Variants in MFSD11 observed in about 807,000 individuals in gnomAD.
MFSD11 encodes the protein UNC93-like protein MFSD11.
A neutral mutation model predicts 53.5 loss-of-function variants in MFSD11; 36 were observed. The observed-to-expected ratio is 0.67, with a 90% CI of 0.52 to 0.89. The LOEUF is 0.89. MFSD11 is among the 40% of genes least tolerant of loss of function. The pLI is 0.00. For missense variants in MFSD11, 530 were observed against 543.9 expected (o/e 0.97, Z 0.25); for synonymous variants, 186 against 184.9 (o/e 1.01, Z -0.05).
chr17:76,776,574 T>C lies in MFSD11; in HGVS notation c.1185+33T>C, dbSNP rs376858266. ...CTTCAGATTGTGATTGTGTTTGACA[T>C]AGGGCTCTTCCCTTTGTGTATTGCC... On this transcript the variant is annotated intron_variant, in intron 12 of 12. Coordinates refer to ENST00000685175, the MANE Select transcript of MFSD11 (RefSeq NM_001242532.5). This position sits in a 1 kb window ranked among gnomAD's most constrained non-coding sequence, Gnocchi z 4.2. The C allele has an allele frequency of 9.8e-5, 157 of 1,605,412 alleles. 1 individual carries two copies. The highest frequency in any genetic ancestry group is 1.2e-4 in the Non-Finnish European group (143 of 1,176,018).
At chr17:76,764,968 G>A (rs774823945) in intron 8 of MFSD11, among the ~76,000 whole-genome samples, 5 of 152,146 alleles carry the variant, frequency 3.3e-5, no homozygotes, top group Non-Finnish European at 5.9e-5. Flanking sequence ...ATCCCAACAG[G>A]TGTGAGGGGA....
intron 8 of MFSD11, among the ~76,000 whole-genome samples, chr17:76,759,532 G>T (rs2079986611): frequency 6.6e-6 from 1 of 151,932 alleles, no homozygotes; most frequent in Admixed American, 6.6e-5. Context: ...TCAGCTCACT[G>T]CAACCTCCGC....
In MFSD11 at chr17:76,738,752, C is replaced by A. The variant is rs533992794; in HGVS notation, c.97-186C>A. On this transcript the variant is annotated intron_variant, in intron 1 of 12. Transcript: ENST00000685175. ...ATGGTTACAGCTGCTTTTCCTCCCCCCTCCCTGTCATTGGTTTGCCTTCTG... is the reference window on the plus strand; with the variant it reads ...ATGGTTACAGCTGCTTTTCCTCCCCACTCCCTGTCATTGGTTTGCCTTCTG... Among the ~76,000 whole-genome samples the A allele has an allele frequency of 3.3e-5, 5 of 152,182 alleles. No homozygotes were observed. In the South Asian group the frequency reaches 6.2e-4, roughly 19 times the overall value.
At chr17:76,774,357 G>A (rs567574071) in intron 10 of MFSD11, among the ~76,000 whole-genome samples, 1 of 152,248 alleles carries the variant, frequency 6.6e-6, no homozygotes, top group South Asian at 2.1e-4. Context: ...CCAAAGTGCT[G>A]GGATTACAGG....
At chr17:76,756,508 C>T (rs1178891530) in intron 8 of MFSD11, among the ~76,000 whole-genome samples, 1 of 152,188 alleles carries the variant, frequency 6.6e-6, no homozygotes, top group African/African-American at 2.4e-5. Flanking sequence ...GGTAGGAGGT[C>T]AATCACTGTC....
At chr17:76,778,149 C>G (rs1235152640) in intron 12 of MFSD11, 39 bp from the exon 13 acceptor site, 1 of 1,611,750 alleles carries the variant, frequency 6.2e-7, no homozygotes, top group Non-Finnish European at 8.5e-7. Context: ...CAGTGTGGCC[C>G]CCGGTGCGCC....
chr17:76,766,890 T>C (rs1404832086), intron 8 of MFSD11: 1 of 153,268 alleles, frequency 6.5e-6, no homozygotes, highest in Non-Finnish European at 1.5e-5. Flanking sequence ...ATATGCACAA[T>C]GCAAGTTTCA....
Position 76,738,266 on chromosome 17 carries a change from T to C in MFSD11, c.-87T>C. The C allele has an allele frequency of 1.2e-6, 1 of 843,772 alleles. No individual in the cohort carries two copies. Among genetic ancestry groups the C allele is most frequent in the East Asian group, 2.4e-5 (1 of 41,122 alleles). 52.3% of individuals were successfully genotyped at this position (843,772 alleles called of 1,614,324 possible). ...GCATCTGCCTTCTCCACTCACCATC[T>C]CATTTCTTTCTCCAGGATTGTCAGT... On this transcript the variant is annotated 5_prime_UTR_variant, in exon 1 of 13. Coordinates refer to ENST00000685175, the MANE Select transcript of MFSD11 (RefSeq NM_001242532.5).
At chr17:76,782,390 G>T (rs1423538874), downstream of MFSD11, among the ~76,000 whole-genome samples, 2 of 150,066 alleles carry the variant, frequency 1.3e-5, no homozygotes, top group Non-Finnish European at 3.0e-5. Context: ...GGTCAGGCTG[G>T]TCTTGAACTC....
At chr17:76,761,120 G>A (rs1189908749) in intron 8 of MFSD11, among the ~76,000 whole-genome samples, 1 of 152,066 alleles carries the variant, frequency 6.6e-6, no homozygotes, top group East Asian at 1.9e-4. Context: ...CGGGAGAATT[G>A]CTTGAACCTG....
intron 8 of MFSD11, among the ~76,000 whole-genome samples, chr17:76,765,585 T>G (rs960192413): frequency 6.6e-6 from 1 of 150,442 alleles, no homozygotes; most frequent in Non-Finnish European, 1.5e-5. Context: ...ATCTTAGCCT[T>G]CCAAGTAGCT....
downstream of MFSD11, among the ~76,000 whole-genome samples, chr17:76,782,799 T>C (rs1270256265): frequency 6.6e-6 from 1 of 151,990 alleles, no homozygotes; most frequent in Non-Finnish European, 1.5e-5. Context: ...AGTTCTTGTG[T>C]CTATAGTTTT....
At chr17:76,758,454 G>C (rs1459139283) in intron 8 of MFSD11, among the ~76,000 whole-genome samples, 1 of 151,864 alleles carries the variant, frequency 6.6e-6, no homozygotes, top group Non-Finnish European at 1.5e-5. Context: ...TTTGGGGCAT[G>C]CACTTGCAGC....
At chr17:76,747,722 C>A (rs973888134) in intron 7 of MFSD11, among the ~76,000 whole-genome samples, 1 of 152,138 alleles carries the variant, frequency 6.6e-6, no homozygotes, top group Non-Finnish European at 1.5e-5. Flanking sequence ...ACTGACCCCC[C>A]CATTCAGCCA....
upstream of MFSD11, chr17:76,737,417 G>C: frequency 4.8e-6 from 2 of 412,518 alleles, no homozygotes; most frequent in South Asian, 1.0e-4. Context: ...CTTCTGATTG[G>C]CCCACCGCGC....
At chr17:76,803,466 G>A in the MFSD11 span, among the ~76,000 whole-genome samples, 2 of 152,168 alleles carry the variant, frequency 1.3e-5, no homozygotes, top group Admixed American at 6.5e-5. Context: ...TATGGTTTAG[G>A]AGTCATGCAG....
chr17:76,786,603 C>T, the MFSD11 span, among the ~76,000 whole-genome samples: 51 of 152,088 alleles, frequency 3.4e-4, no homozygotes, highest in Non-Finnish European at 6.9e-4. Flanking sequence ...CTCTCCAGCC[C>T]GAGGAGTCAC....
chr17:76,802,630 GCA>G, the MFSD11 span, among the ~76,000 whole-genome samples: 4 of 152,182 alleles, frequency 2.6e-5, no homozygotes, highest in African/African-American at 9.7e-5. Flanking sequence ...TGTAATCCCA[GCA>G]CTTCGGGAGG....
chr17:76,783,915 C>A (rs1474082349), downstream of MFSD11, among the ~76,000 whole-genome samples: 2 of 150,210 alleles, frequency 1.3e-5, no homozygotes, highest in East Asian at 3.9e-4. Flanking sequence ...CATTAATAGT[C>A]ATTTTTTTTG....
Sources: gnomAD v4.1 joint callset for allele counts (sites outside exome capture counted in the v4.1 genomes callset) on GRCh38, gnomAD v4.1.1 for gene constraint, Gnocchi (gnomAD v3.1) non-coding constraint, MANE v1.5 for transcripts, NCBI Gene and HGNC (gene_info 2026-07-23, HGNC 2026-07-21) for gene names.